Variants in FRMD4A observed in about 807,000 individuals in gnomAD.
FRMD4A encodes FERM domain-containing protein 4A.
A neutral mutation model predicts 129.1 loss-of-function variants in FRMD4A; 29 were observed. The ratio of observed to expected loss-of-function variants is 0.22; its 90% CI spans 0.17 to 0.31. The LOEUF (loss-of-function observed/expected upper bound fraction) is 0.31, where lower values mean the gene tolerates loss of function less well. Among genes scored for constraint, FRMD4A ranks in the 10% least tolerant of loss-of-function variants. The probability of loss-of-function intolerance (pLI) is 1.00; values close to 1 mark genes in which losing one functional copy is unlikely to be tolerated. For synonymous variants in FRMD4A, 634 were observed against 571.6 expected, an observed-to-expected ratio of 1.11 and a Z score of -1.56; for missense variants, 1,272 against 1,375.8, an observed-to-expected ratio of 0.92 and a Z score of 1.19.
intron 2 of FRMD4A, among the ~76,000 whole-genome samples, chr10:14,025,100 C>T (rs1381373681): frequency 1.3e-5 from 2 of 152,196 alleles, no homozygotes; most frequent in Admixed American, 1.3e-4. Flanking sequence ...TGTGAGGGTA[C>T]TAAATTTTTC....
chr10:14,311,621 C>G (rs975751033), intron 2 of FRMD4A, among the ~76,000 whole-genome samples: 2 of 140,820 alleles, frequency 1.4e-5, no homozygotes, highest in South Asian at 5.1e-4. Context: ...CCCTCTCCAT[C>G]TTTGCTCACC....
chr10:13,778,598 C>CGT (rs150073571), intron 6 of FRMD4A, among the ~76,000 whole-genome samples: 32,580 of 147,928 alleles, frequency 0.22, 3,804 homozygotes, highest in Non-Finnish European at 0.27. Context: ...ACCATTCCAA[C>CGT]GTGTGTGTGT....
At chr10:13,717,552 G>C (rs1589524165) in intron 12 of FRMD4A, among the ~76,000 whole-genome samples, 1 of 151,574 alleles carries the variant, frequency 6.6e-6, no homozygotes, top group Non-Finnish European at 1.5e-5. Context: ...GACTTCAAGT[G>C]ATCTGCCTGC....
chr10:13,926,813 T>C (rs1197668159), intron 2 of FRMD4A, among the ~76,000 whole-genome samples: 1 of 152,206 alleles, frequency 6.6e-6, no homozygotes, highest in Non-Finnish European at 1.5e-5. Context: ...CCACATACTT[T>C]TAGAGCAGAA....
intron 5 of FRMD4A, among the ~76,000 whole-genome samples, chr10:13,787,325 G>A (rs977750882): frequency 6.6e-6 from 1 of 152,142 alleles, no homozygotes; most frequent in Non-Finnish European, 1.5e-5. Context: ...AGTCAAAAAC[G>A]CCTGCAGAGA....
At chr10:13,780,280 T>C (rs901677276) in intron 6 of FRMD4A, among the ~76,000 whole-genome samples, 2 of 151,798 alleles carry the variant, frequency 1.3e-5, no homozygotes, top group African/African-American at 4.8e-5. Context: ...TGAGCTGAGA[T>C]TGTGCCATTG....
rs118169175 is a variant in FRMD4A, at chr10:13,825,829, A to T, written c.112-14921T>A. On this transcript the variant is annotated intron_variant, in intron 3 of 24. Coordinates refer to ENST00000357447, the MANE Select transcript of FRMD4A (RefSeq NM_018027.5). ...GTGGATAACTGAAACGTGGAAAGTA[A>T]CACCGCAGATAAGAAGGAACTACTG... is the stretch of plus-strand genomic sequence containing the variant. Among the ~76,000 whole-genome samples the T allele has an allele frequency of 3.2e-3, 487 of 152,346 alleles. 1 individual carries two copies. Among genetic ancestry groups the T allele is most frequent in the Admixed American group, 6.8e-3 (104 of 15,302 alleles).
chr10:14,319,367 T>TCTCACA (rs112041665), intron 2 of FRMD4A, among the ~76,000 whole-genome samples: 12 of 145,156 alleles, frequency 8.3e-5, no homozygotes, highest in East Asian at 4.0e-4. Context: ...TCTCTCTCTC[T>TCTCACA]CACACACACA....
Position 13,659,365 on chromosome 10 carries a change from G to A in FRMD4A, c.2024C>T (p.Pro675Leu), listed in dbSNP as rs374825261. Reference sequence around the variant, plus strand: ...GTGGGGACTCCGGACCCGCAGGTCTGGCGTGGACGGCATGCTGGACTGGGA... The same window carrying A: ...GTGGGGACTCCGGACCCGCAGGTCTAGCGTGGACGGCATGCTGGACTGGGA... ...WNSQSSMPST[P>L]DLRVRSPHYV... Residue 675 changes from proline (P) to leucine (L), a missense_variant, in exon 21 of 25, where the codon CCA becomes CTA. Coordinates refer to ENST00000357447, the MANE Select transcript of FRMD4A (RefSeq NM_018027.5). The A allele has an allele frequency of 1.2e-6, 2 of 1,614,136 alleles. No homozygotes were observed. Among genetic ancestry groups the A allele is most frequent in the Non-Finnish European group, 8.5e-7 (1 of 1,179,942 alleles).
At chr10:13,796,124 G>C (rs865785219) in intron 5 of FRMD4A, among the ~76,000 whole-genome samples, 5 of 152,164 alleles carry the variant, frequency 3.3e-5, no homozygotes, top group African/African-American at 1.2e-4. Context: ...TAAAAGGAAA[G>C]AATACAAAGG....
chr10:14,299,351 G>A (rs1160255014), intron 2 of FRMD4A, among the ~76,000 whole-genome samples: 2 of 152,122 alleles, frequency 1.3e-5, no homozygotes, highest in African/African-American at 2.4e-5. Flanking sequence ...CTGGGGAGAA[G>A]CTATTGAGTA....
chr10:13,789,268 AGCT>A (rs1276922325), intron 5 of FRMD4A, among the ~76,000 whole-genome samples: 4 of 152,178 alleles, frequency 2.6e-5, no homozygotes, highest in Non-Finnish European at 5.9e-5. Context: ...AGGAAGTAGC[AGCT>A]GCTGTCTCCA....
intron 2 of FRMD4A, among the ~76,000 whole-genome samples, chr10:14,003,292 C>T (rs73589178): frequency 1.1e-3 from 167 of 152,192 alleles, no homozygotes; most frequent in African/African-American, 3.8e-3. Context: ...AGGAAGACGC[C>T]AGGGTCTAGT....
intron 5 of FRMD4A, among the ~76,000 whole-genome samples, chr10:13,787,382 C>G (rs1036952689): frequency 1.2e-4 from 19 of 152,220 alleles, no homozygotes; most frequent in African/African-American, 4.3e-4. Context: ...AGGCATGGTG[C>G]ACACCGGTGG....
At chr10:13,668,886 C>T (rs2083277798) in intron 17 of FRMD4A, among the ~76,000 whole-genome samples, 1 of 152,086 alleles carries the variant, frequency 6.6e-6, no homozygotes, top group South Asian at 2.1e-4. Flanking sequence ...TGTGGCACCC[C>T]TCCTTTGAGA....
rs1554774181 is a variant in FRMD4A at position 14,162,646 on chromosome 10, T to TTG, written c.45+167411_45+167412insCA. 5.3e-5 allele frequency among the ~76,000 whole-genome samples: 8 copies of TTG among 150,180 alleles called. No homozygotes were observed. The South Asian group carries it at 6.3e-4, about 12-fold the overall frequency. On this transcript the variant is annotated intron_variant, in intron 2 of 24. Transcript: ENST00000357447. ...AGTTTCTCTGTTTTTTTTTTGTTTT[T>TTG]TTTTTTTTTTTTTGTATATGTTTTC...
chr10:13,666,797 T>A (rs2083074570), intron 17 of FRMD4A, among the ~76,000 whole-genome samples: 1 of 152,130 alleles, frequency 6.6e-6, no homozygotes, highest in South Asian at 2.1e-4. Context: ...CCTCTGACTC[T>A]CACACTGTGT....
chr10:13,884,124 A>T lies in FRMD4A; in HGVS notation c.46-25212T>A, dbSNP rs112211110. 6.3e-4 allele frequency among the ~76,000 whole-genome samples: 54 copies of T among 85,902 alleles called. 2 individuals are homozygous for T. Among genetic ancestry groups the T allele is most frequent in the African/African-American group, 3.0e-3 (49 of 16,570 alleles). 56.4% of individuals were successfully genotyped at this position (85,902 alleles called of 152,430 possible). A position where few individuals can be genotyped will look rare whatever the true frequency, so the allele number is the denominator to read the frequency against. ...AAGAAACACACACACACACACACTC[A>T]CACACACGCTCACACACACTCTCAC... is the stretch of plus-strand genomic sequence containing the variant. On this transcript the variant is annotated intron_variant, in intron 2 of 24. Transcript: ENST00000357447.
chr10:13,913,407 G>A (rs936918503), intron 2 of FRMD4A, among the ~76,000 whole-genome samples: 12 of 152,166 alleles, frequency 7.9e-5, no homozygotes, highest in Non-Finnish European at 1.2e-4. Context: ...ACTGAATTGC[G>A]TACTTTAATA....
Sources: gnomAD v4.1 joint callset for allele counts (sites outside exome capture counted in the v4.1 genomes callset) on GRCh38, gnomAD v4.1.1 for gene constraint, MANE v1.5 for transcripts, NCBI Gene and HGNC (gene_info 2026-07-23, HGNC 2026-07-21) for gene names.